The following GNG7 variants were observed in gnomAD, a reference collection of about 807,000 sequenced individuals.
GNG7 encodes the protein guanine nucleotide-binding protein G(I)/G(S)/G(O) subunit gamma-7.
A neutral mutation model predicts 4.0 loss-of-function variants in GNG7; 1 was observed. That is an observed-to-expected ratio of 0.25 (90% CI 0.09 to 1.18). The LOEUF is 1.18. Ranked by LOEUF, GNG7 falls within the 50% of genes most tolerant of loss-of-function variation. The probability of loss-of-function intolerance (pLI) is 0.50; values close to 1 mark genes in which losing one functional copy is unlikely to be tolerated. For missense variants in GNG7, 86 were observed against 91.9 expected (o/e 0.94, Z 0.26); for synonymous variants, 34 against 36.9 (o/e 0.92, Z 0.29).
chr19:2,518,618 G>T (rs1012454012), intron 4 of GNG7, among the ~76,000 whole-genome samples: 1 of 151,996 alleles, frequency 6.6e-6, no homozygotes, highest in African/African-American at 2.4e-5. Context: ...CCGCCTCCCC[G>T]CTGGGAGCAA....
chr19:2,633,600 T>C lies in GNG7; in HGVS notation c.-78+12624A>G, dbSNP rs1982229267. Reference sequence around the variant, plus strand: ...CTCGGTGGTCGTGGATGTGAGCCTCTCTGGGTATGGAGCCTCAATCAGTAG... The same window carrying C: ...CTCGGTGGTCGTGGATGTGAGCCTCCCTGGGTATGGAGCCTCAATCAGTAG... On this transcript the variant is annotated intron_variant, in intron 2 of 4. Transcript: ENST00000382159. The surrounding 1 kb of genome is among the most constrained non-coding windows in gnomAD (Gnocchi z 5.9). 6.6e-6 allele frequency among the ~76,000 whole-genome samples: 1 copy of C among 150,908 alleles called. No individual in the cohort carries two copies. Among genetic ancestry groups the C allele is most frequent in the Non-Finnish European group, 1.5e-5 (1 of 67,688 alleles).
chr19:2,638,021 C>T (rs1031355770), intron 2 of GNG7, among the ~76,000 whole-genome samples: 1 of 152,066 alleles, frequency 6.6e-6, no homozygotes, highest in African/African-American at 2.4e-5. Flanking sequence ...TCTGCCCCAT[C>T]GGGAGTTTAT....
chr19:2,609,787 C>T lies in GNG7; in HGVS notation c.-78+36437G>A, dbSNP rs1200634646. ...CCCAGAGCTCACAGCTGCAGACTGG[C>T]CACCGTAGGACAATCCAGTGGGACC... On this transcript the variant is annotated intron_variant, in intron 2 of 4. Transcript: ENST00000382159. The surrounding 1 kb of genome is among the most constrained non-coding windows in gnomAD (Gnocchi z 4.4). Among the ~76,000 whole-genome samples, 1 of 152,200 alleles carries T rather than the reference C, an allele frequency of 6.6e-6. No individual in the cohort carries two copies. The highest frequency in any genetic ancestry group is 2.4e-5 in the African/African-American group (1 of 41,442).
chr19:2,642,769 C>T (rs1428948673), intron 2 of GNG7: 2 of 456,446 alleles, frequency 4.4e-6, no homozygotes, highest in Non-Finnish European at 8.8e-6. Context: ...GCTGGGATTA[C>T]AGGCGTGAGC....
chr19:2,672,117 A>C (rs1983471067), intron 1 of GNG7, among the ~76,000 whole-genome samples: 1 of 148,518 alleles, frequency 6.7e-6, no homozygotes, highest in Non-Finnish European at 1.5e-5. Context: ...AGCTCACTGC[A>C]ACTGCTGCCT....
intron 1 of GNG7, among the ~76,000 whole-genome samples, chr19:2,697,881 A>G (rs1378267549): frequency 6.6e-6 from 1 of 151,890 alleles, no homozygotes; most frequent in Non-Finnish European, 1.5e-5. Context: ...CTGGGGCAGG[A>G]GAATCGCTTG....
rs1483321202 is a variant in GNG7 at position 2,530,391 on chromosome 19, C to T, written c.-37-9666G>A. Among the ~76,000 whole-genome samples, 254 of 121,598 alleles carry T rather than the reference C, an allele frequency of 2.1e-3. No homozygotes were observed. In the Middle Eastern group the frequency reaches 0.033, roughly 16 times the overall value. The allele number at this position is 121,598 out of a possible 152,430, so 79.8% of individuals were successfully genotyped here. ...TTGTGCCACTGCACTCCAGCCTGGG[C>T]GACAGAGAGAGACCCTGTCTCAAAA... On this transcript the variant is annotated intron_variant, in intron 3 of 4. Transcript: ENST00000382159.
intron 1 of GNG7, among the ~76,000 whole-genome samples, chr19:2,698,577 AAAAG>A (rs1352683585): frequency 6.6e-6 from 1 of 152,244 alleles, no homozygotes; most frequent in Non-Finnish European, 1.5e-5. Context: ...AAAGAAAAAA[AAAAG>A]AAAGAAAAGA....
intron 4 of GNG7, among the ~76,000 whole-genome samples, chr19:2,518,498 C>T (rs944018736): frequency 3.3e-5 from 5 of 152,196 alleles, no homozygotes; most frequent in African/African-American, 1.2e-4. Flanking sequence ...GGTTGGATCC[C>T]GGCCAGCAGC....
At chr19:2,598,439 C>T (rs916043025) in intron 2 of GNG7, among the ~76,000 whole-genome samples, 7 of 151,038 alleles carry the variant, frequency 4.6e-5, no homozygotes, top group Admixed American at 2.6e-4. Flanking sequence ...GGGCGGATCA[C>T]GAGGTCAGGA....
At chr19:2,591,998 C>A (rs1016537369) in intron 2 of GNG7, among the ~76,000 whole-genome samples, 4 of 152,176 alleles carry the variant, frequency 2.6e-5, no homozygotes, top group African/African-American at 9.7e-5. Flanking sequence ...GTTCAAGTTG[C>A]TATAAACTTT....
intron 2 of GNG7, among the ~76,000 whole-genome samples, chr19:2,582,290 A>T (rs955204085): frequency 1.3e-5 from 2 of 152,208 alleles, no homozygotes; most frequent in Non-Finnish European, 2.9e-5. Context: ...TGAAAGGTGT[A>T]AGGGAACACT....
At chr19:2,555,651 C>G (rs1336676748) in intron 2 of GNG7, among the ~76,000 whole-genome samples, 1 of 152,154 alleles carries the variant, frequency 6.6e-6, no homozygotes, top group Non-Finnish European at 1.5e-5. Context: ...GGGGACAAAC[C>G]AATTAACCCC....
intron 2 of GNG7, among the ~76,000 whole-genome samples, chr19:2,577,310 G>T (rs536580265): frequency 6.6e-6 from 1 of 152,296 alleles, no homozygotes; most frequent in Admixed American, 6.5e-5. Flanking sequence ...CTCGCCCGGG[G>T]AAGGCTCTTC....
chr19:2,540,052 CCCTT>C (rs1326269700), intron 3 of GNG7, among the ~76,000 whole-genome samples: 115 of 117,470 alleles, frequency 9.8e-4, no homozygotes, highest in African/African-American at 2.9e-3. Flanking sequence ...CTCCCTCCCT[CCCTT>C]CCTTCCCTCC....
At chr19:2,601,395 C>T (rs912995333) in intron 2 of GNG7, among the ~76,000 whole-genome samples, 1 of 152,166 alleles carries the variant, frequency 6.6e-6, no homozygotes, top group African/African-American at 2.4e-5. Flanking sequence ...CATGTGGACT[C>T]AGTCCTGCCA....
rs183216960 is a variant in GNG7 at position 2,559,733 on chromosome 19, C to T, written c.-77-4545G>A. Reference sequence around the variant, plus strand: ...TTCTCCATGTTGGTCAGACTGGTCTCGATCTCTTGACCTCGTGATCCGCCT... The same window carrying T: ...TTCTCCATGTTGGTCAGACTGGTCTTGATCTCTTGACCTCGTGATCCGCCT... On this transcript the variant is annotated intron_variant, in intron 2 of 4. Transcript: ENST00000382159. Among the ~76,000 whole-genome samples, 179 of 152,154 alleles carry T rather than the reference C, an allele frequency of 1.2e-3. 1 individual carries two copies. The highest frequency in any genetic ancestry group is 4.0e-3 in the African/African-American group (166 of 41,452).
At chr19:2,549,990 C>T (rs1490042964) in intron 3 of GNG7, among the ~76,000 whole-genome samples, 3 of 152,230 alleles carry the variant, frequency 2.0e-5, no homozygotes, top group African/African-American at 7.2e-5. Context: ...CTTGCTAATG[C>T]AGAAACACGG....
intron 3 of GNG7, among the ~76,000 whole-genome samples, chr19:2,521,341 G>A (rs1001961290): frequency 1.3e-5 from 2 of 152,180 alleles, no homozygotes; most frequent in African/African-American, 4.8e-5. Context: ...GAGGACCCAC[G>A]CAGGCTCCCG....
Sources: gnomAD v4.1 joint callset for allele counts (sites outside exome capture counted in the v4.1 genomes callset) on GRCh38, gnomAD v4.1.1 for gene constraint, Gnocchi (gnomAD v3.1) non-coding constraint, MANE v1.5 for transcripts, NCBI Gene and HGNC (gene_info 2026-07-23, HGNC 2026-07-21) for gene names.